Variants in CEP164 observed in about 807,000 individuals in gnomAD.
CEP164 encodes centrosomal protein 164.
Under a neutral mutation model 182.7 loss-of-function variants are expected in CEP164, and 162 were observed. That is an observed-to-expected ratio of 0.89 (90% confidence interval 0.78 to 1.01). The LOEUF is 1.01. Among genes scored for constraint, CEP164 ranks in the 50% least tolerant of loss-of-function variants. The probability of loss-of-function intolerance (pLI) is 0.00; values close to 1 mark genes in which losing one functional copy is unlikely to be tolerated. For synonymous variants in CEP164, 661 were observed against 690.0 expected, an observed-to-expected ratio of 0.96 and a Z score of 0.66; for missense variants, 1,735 against 1,790.4, an observed-to-expected ratio of 0.97 and a Z score of 0.56.
chr11:117,322,549 C>T (rs2035284483), intron 1 of CEP164, among the ~76,000 whole-genome samples: 1 of 151,662 alleles, frequency 6.6e-6, no homozygotes, highest in African/African-American at 2.4e-5. Flanking sequence ...GAATTTATTC[C>T]TCCTTTTCCT....
intron 28 of CEP164, among the ~76,000 whole-genome samples, chr11:117,408,249 C>T (rs1018315487): frequency 3.3e-5 from 5 of 151,538 alleles, no homozygotes; most frequent in African/African-American, 9.7e-5. Flanking sequence ...CTGAATGGTC[C>T]GGAATATACC....
At chr11:117,325,482 T>C (rs1210085209), upstream of CEP164, among the ~76,000 whole-genome samples, 1 of 151,842 alleles carries the variant, frequency 6.6e-6, no homozygotes, top group East Asian at 1.9e-4. Context: ...ACCTCCTGGG[T>C]TCAAGCGATT....
chr11:117,392,209 C>T lies in CEP164; in HGVS notation c.2284-17C>T, dbSNP rs1416323414. ...TACCTGGCCAGCTTCACTCACAGTC[C>T]CTTTGCTCCTCCCCAGGCTGTGGCA... On this transcript the variant is annotated splice_polypyrimidine_tract_variant and intron_variant, in intron 17 of 32. Coordinates refer to ENST00000278935, the MANE Select transcript of CEP164 (RefSeq NM_014956.5). 3 of 1,560,926 alleles carry T rather than the reference C, an allele frequency of 1.9e-6. No homozygotes were observed. The highest frequency in any genetic ancestry group is 1.4e-5 in the African/African-American group (1 of 73,540).
rs1363636540 is a variant in CEP164, at chr11:117,380,499, T to C, written c.1318-115T>C. 6 of 779,290 alleles carry C rather than the reference T, an allele frequency of 7.7e-6. No individual in the cohort carries two copies. In the African/African-American group the frequency reaches 1.0e-4, roughly 13 times the overall value. The allele number at this position is 779,290 out of a possible 1,614,324, so 48.3% of individuals were successfully genotyped here. A position where few individuals can be genotyped will look rare whatever the true frequency, so the allele number is the denominator to read the frequency against. On this transcript the variant is annotated intron_variant, in intron 11 of 32. Coordinates refer to ENST00000278935, the MANE Select transcript of CEP164 (RefSeq NM_014956.5). ...CTGTTCTACGTCCCGTATGGTCCCA[T>C]CTTCTGGAGAGCAACTTCTCAGTGC...
In CEP164 at chr11:117,396,156, G is replaced by A; in HGVS notation, c.3192G>A (p.Glu1064=). 6.2e-7 allele frequency: 1 copy of A among 1,613,612 alleles called. No individual in the cohort carries two copies. Among genetic ancestry groups the A allele is most frequent in the Non-Finnish European group, 8.5e-7 (1 of 1,179,768 alleles). Residue 1064 remains glutamate, a synonymous_variant, in exon 25 of 33, where the codon GAG becomes GAA. Transcript: ENST00000278935. ...ATTTTGAGCCAGATCTCCATATTGA[G>A]GACCTGAGGAAATCCCTTGGAACAG... is the stretch of plus-strand genomic sequence containing the variant. The part of the protein sequence containing the change: ...SPHFEPDLHI[E]DLRKSLGTNQ...
chr11:117,408,998 C>T lies in CEP164; in HGVS notation c.3718C>T (p.Pro1240Ser), dbSNP rs745898523. 9 of 1,614,076 alleles carry T rather than the reference C, an allele frequency of 5.6e-6. No homozygotes were observed. The highest frequency in any genetic ancestry group is 1.1e-5 in the South Asian group (1 of 91,072). ...SSESSESFSP[P>S]HREWWRQQRI... ...TGAAAGTTCTGAATCTTTTTCCCCG[C>T]CTCACCGTGAGTGGTGGCGGCAGCA... The change falls in exon 29 of 33, where the codon CCT becomes TCT. Residue 1240 changes from proline to serine, a missense_variant. Transcript: ENST00000278935.
chr11:117,399,671 G>A (rs2045920941), intron 27 of CEP164, among the ~76,000 whole-genome samples: 1 of 152,154 alleles, frequency 6.6e-6, no homozygotes, highest in South Asian at 2.1e-4. Context: ...TTTAATGATT[G>A]CCATTCTAAC....
intron 8 of CEP164, among the ~76,000 whole-genome samples, chr11:117,370,530 T>C (rs1290749346): frequency 6.6e-6 from 1 of 152,192 alleles, no homozygotes; most frequent in Non-Finnish European, 1.5e-5. Flanking sequence ...GGCCCACCAG[T>C]GGATGGGGAT....
chr11:117,402,106 A>G (rs1022584604), intron 27 of CEP164, among the ~76,000 whole-genome samples: 1 of 151,954 alleles, frequency 6.6e-6, no homozygotes, highest in Non-Finnish European at 1.5e-5. Context: ...TCCTGTGGGC[A>G]TTTAGTGCTG....
In CEP164 at chr11:117,344,764, T is replaced by C. The variant is rs189434245; in HGVS notation, c.194+487T>C. ...CAAGATGGTGAAACCGCGTCTCTACTAAAAATACAAAAAATTAGCTGGGTG... is the reference window on the plus strand; with the variant it reads ...CAAGATGGTGAAACCGCGTCTCTACCAAAAATACAAAAAATTAGCTGGGTG... On this transcript the variant is annotated intron_variant, in intron 4 of 32. Coordinates refer to ENST00000278935, the MANE Select transcript of CEP164 (RefSeq NM_014956.5). 1.9e-3 allele frequency among the ~76,000 whole-genome samples: 285 copies of C among 152,078 alleles called. 2 individuals are homozygous for C. The highest frequency in any genetic ancestry group is 6.7e-3 in the African/African-American group (279 of 41,510).
chr11:117,401,751 A>G (rs1172487829), intron 27 of CEP164, among the ~76,000 whole-genome samples: 1 of 152,130 alleles, frequency 6.6e-6, no homozygotes, highest in Non-Finnish European at 1.5e-5. Flanking sequence ...TAGATTTTCT[A>G]GTTTATTTGC....
At chr11:117,365,219 G>A (rs1331962195) in intron 8 of CEP164, among the ~76,000 whole-genome samples, 1 of 152,220 alleles carries the variant, frequency 6.6e-6, no homozygotes, top group Non-Finnish European at 1.5e-5. Flanking sequence ...TGGAGATTCT[G>A]CCCTATTCAT....
At chr11:117,355,841 C>G in intron 5 of CEP164, 1 of 1,069,122 alleles carries the variant, frequency 9.4e-7, no homozygotes, top group Non-Finnish European at 1.1e-6. Flanking sequence ...GGGTCTCTTG[C>G]TAATACCACC....
rs934960506 is a variant in CEP164, at chr11:117,391,018, C to T, written c.2086C>T (p.Leu696=). ...ACCCAGGGCTGAGCAAGAGGCTTCCCTGCAGAAACTGAGAGAAGAGTTGGA... is the reference window on the plus strand; with the variant it reads ...ACCCAGGGCTGAGCAAGAGGCTTCCTTGCAGAAACTGAGAGAAGAGTTGGA... ...DQIRAEQEAS[L]QKLREELESQ... The change falls in exon 17 of 33, where the codon CTG becomes TTG. Residue 696 remains leucine, a synonymous_variant. Coordinates refer to ENST00000278935, the MANE Select transcript of CEP164 (RefSeq NM_014956.5). The T allele has an allele frequency of 4.3e-5, 69 of 1,613,998 alleles. No individual in the cohort carries two copies. Among genetic ancestry groups the T allele is most frequent in the Non-Finnish European group, 5.3e-5 (63 of 1,180,036 alleles).
chr11:117,409,900 T>C lies in CEP164; in HGVS notation c.4031T>C (p.Leu1344Pro), dbSNP rs770506644. ...TGGGATTCAGGGCAGGGGCCCAGGC[T>C]CCCCTCCTCTGTGGCTCAAACGGTG... Reference protein sequence around the residue: ...WAWDSGQGPRLPSSVAQTVDD... With the variant: ...WAWDSGQGPRPPSSVAQTVDD... The change falls in exon 30 of 33, where the codon CTC becomes CCC. Residue 1344 changes from leucine to proline, a missense_variant. By Grantham distance (98) the Leu-to-Pro change is moderately conservative. Transcript: ENST00000278935. The surrounding 1 kb of genome is among the most constrained non-coding windows in gnomAD (Gnocchi z 4.4). 4 of 1,612,598 alleles carry C rather than the reference T, an allele frequency of 2.5e-6. No homozygotes were observed. The South Asian group carries it at 4.4e-5, about 18-fold the overall frequency.
At chr11:117,380,837 T>A (rs1301961976) in intron 12 of CEP164, 132 bp downstream of exon 12, 25 of 770,610 alleles carry the variant, frequency 3.2e-5, no homozygotes, top group Non-Finnish European at 5.3e-5. Flanking sequence ...ACTGGCTGGA[T>A]GGCCTTGCAG....
chr11:117,336,243 G>A (rs1472290638), intron 2 of CEP164: 15 of 1,591,320 alleles, frequency 9.4e-6, no homozygotes, highest in Non-Finnish European at 1.2e-5. Context: ...AAGAGGAGGA[G>A]GAATGCTTGC....
chr11:117,409,800 A>ACCCCCCC lies in CEP164; in HGVS notation c.3936_3937insCCCCCCC (p.Thr1313ProfsTer79). The ACCCCCCC allele has an allele frequency of 1.8e-6, 1 of 565,918 alleles. No homozygotes were observed. Among genetic ancestry groups the ACCCCCCC allele is most frequent in the Non-Finnish European group, 2.6e-6 (1 of 387,308 alleles). 35.1% of individuals were successfully genotyped at this position (565,918 alleles called of 1,614,324 possible). A position where few individuals can be genotyped will look rare whatever the true frequency, so the allele number is the denominator to read the frequency against. On this transcript the variant is annotated frameshift_variant, in exon 30 of 33. Coordinates refer to ENST00000278935, the MANE Select transcript of CEP164 (RefSeq NM_014956.5). LOFTEE classifies it high-confidence loss of function. The surrounding 1 kb of genome is among the most constrained non-coding windows in gnomAD (Gnocchi z 4.4). ...TCCCCGGGACCCTAAGAGCACCCCC[A>ACCCCCCC]CCCCCACCTACTATGGCTCCCTGGC...
intron 10 of CEP164, among the ~76,000 whole-genome samples, chr11:117,375,290 C>T (rs2042619520): frequency 6.6e-6 from 1 of 152,202 alleles, no homozygotes; most frequent in Non-Finnish European, 1.5e-5. Context: ...CATCTGACCC[C>T]CAGGCCCCTT....
Sources: gnomAD v4.1 joint callset for allele counts (sites outside exome capture counted in the v4.1 genomes callset) on GRCh38, gnomAD v4.1.1 for gene constraint, Gnocchi (gnomAD v3.1) non-coding constraint, MANE v1.5 for transcripts, NCBI Gene and HGNC (gene_info 2026-07-23, HGNC 2026-07-21) for gene names.